The following RIMS2 variants were observed in gnomAD, a reference collection of about 807,000 sequenced individuals.
RIMS2 encodes regulating synaptic membrane exocytosis 2.
RIMS2 carries 59 observed loss-of-function variants against 174.4 expected under a neutral mutation model. The observed-to-expected ratio is 0.34, with a 90% CI of 0.27 to 0.42. The LOEUF is 0.42. Among genes scored for constraint, RIMS2 ranks in the 10% least tolerant of loss-of-function variants. The pLI is 1.00. For missense variants in RIMS2, 1,620 were observed against 1,666.3 expected, an observed-to-expected ratio of 0.97 and a Z score of 0.48; for synonymous variants, 606 against 572.5, an observed-to-expected ratio of 1.06 and a Z score of -0.84.
At chr8:103,796,810 G>T (rs2098552954) in intron 3 of RIMS2, among the ~76,000 whole-genome samples, 2 of 152,196 alleles carry the variant, frequency 1.3e-5, no homozygotes. Flanking sequence ...TTGGATAAGA[G>T]TGTAGCTTTA....
chr8:104,106,098 T>C (rs920016093), intron 19 of RIMS2, among the ~76,000 whole-genome samples: 7 of 81,716 alleles, frequency 8.6e-5, no homozygotes, highest in African/African-American at 3.0e-4. Context: ...TGAAAAGAAA[T>C]GAAAAAATTT....
chr8:103,910,291 C>CTTT (rs75164936), intron 5 of RIMS2, 30 bp from the exon 8 acceptor site: 1,127 of 1,283,374 alleles, frequency 8.8e-4, no homozygotes, highest in South Asian at 1.7e-3. Flanking sequence ...TTTTTTGTAT[C>CTTT]TTTTTTTTTT....
At chr8:103,871,266 C>T (rs1330567435) in intron 3 of RIMS2, among the ~76,000 whole-genome samples, 12 of 152,116 alleles carry the variant, frequency 7.9e-5, no homozygotes, top group African/African-American at 9.6e-5. Context: ...CGGTGGAGAG[C>T]GCCTGTAATC....
At chr8:104,033,668 G>T (rs1371549171) in intron 19 of RIMS2, among the ~76,000 whole-genome samples, 1 of 150,876 alleles carries the variant, frequency 6.6e-6, no homozygotes, top group Non-Finnish European at 1.5e-5. Context: ...AGGAAAATTG[G>T]TCCTGGAAAT....
rs556571183 is a variant in RIMS2 at position 103,633,188 on chromosome 8, G to A, written c.177-63898G>A. ...ACTACAGGCATGTGCCACCACGCCC[G>A]GCTATTTTTTTTTTTTTTTTGTATT... On this transcript the variant is annotated intron_variant, in intron 1 of 23. Transcript: ENST00000504942. Among the ~76,000 whole-genome samples, 242 of 102,274 alleles carry A rather than the reference G, an allele frequency of 2.4e-3. 1 individual carries two copies. Among genetic ancestry groups the A allele is most frequent in the Non-Finnish European group, 3.9e-3 (198 of 50,462 alleles). The allele number at this position is 102,274 out of a possible 152,430, so 67.1% of individuals were successfully genotyped here.
intron 2 of RIMS2, among the ~76,000 whole-genome samples, chr8:103,763,285 A>G (rs2098131838): frequency 1.3e-5 from 2 of 152,040 alleles, no homozygotes; most frequent in Admixed American, 1.3e-4. Context: ...AAAAATACAA[A>G]AATTAGCTGG....
intron 4 of RIMS2, chr8:103,910,017 TACAG>T (rs2075342211): frequency 3.3e-6 from 2 of 601,148 alleles, no homozygotes; most frequent in East Asian, 2.7e-5. Flanking sequence ...TAGTGAGTGC[TACAG>T]ACAAAGTTCT....
intron 19 of RIMS2, among the ~76,000 whole-genome samples, chr8:104,017,765 G>C (rs374265987): frequency 6.6e-6 from 1 of 152,132 alleles, no homozygotes; most frequent in Admixed American, 6.5e-5. Flanking sequence ...TGTCAGAAAC[G>C]TATCAAAAAT....
intron 15 of RIMS2, among the ~76,000 whole-genome samples, chr8:103,973,117 T>G (rs1339812878): frequency 6.6e-6 from 1 of 152,216 alleles, no homozygotes; most frequent in Admixed American, 6.5e-5. Flanking sequence ...ATATGAATTG[T>G]ATACTGCTAT....
At chr8:104,032,688 AATG>A (rs1221833122) in intron 19 of RIMS2, among the ~76,000 whole-genome samples, 2 of 152,098 alleles carry the variant, frequency 1.3e-5, no homozygotes, top group Non-Finnish European at 2.9e-5. Flanking sequence ...GAGTTTTACT[AATG>A]ATATTATAAT....
At chr8:104,252,935 A>G (rs1215054695), downstream of RIMS2, 3 of 152,092 alleles carry the variant, frequency 2.0e-5, no homozygotes, top group East Asian at 5.8e-4. Flanking sequence ...CCTCTCTCAT[A>G]CCCCATGTTT....
intron 1 of RIMS2, among the ~76,000 whole-genome samples, chr8:103,614,096 C>T (rs1243769552): frequency 6.6e-6 from 1 of 152,222 alleles, no homozygotes; most frequent in Admixed American, 6.5e-5. Flanking sequence ...CCCATCCCAG[C>T]ACTAGAAGTT....
chr8:103,918,753 C>T lies in RIMS2; in HGVS notation c.2083+266C>T, dbSNP rs1463307539. The T allele has an allele frequency of 1.8e-5, 6 of 328,146 alleles. No homozygotes were observed. The East Asian group carries it at 2.5e-4, about 14-fold the overall frequency. The allele number at this position is 328,146 out of a possible 1,614,324, so 20.3% of individuals were successfully genotyped here. A position where few individuals can be genotyped will look rare whatever the true frequency, so the allele number is the denominator to read the frequency against. On this transcript the variant is annotated intron_variant, in intron 9 of 23. Coordinates refer to ENST00000504942, the Ensembl canonical transcript of RIMS2. ...GGTATACTACAATAAACTGCATATACTTAAAGTACACAATTAGGTAAGTTT... is the reference window on the plus strand; with the variant it reads ...GGTATACTACAATAAACTGCATATATTTAAAGTACACAATTAGGTAAGTTT...
At chr8:103,795,447 G>A (rs1308002828) in intron 3 of RIMS2, among the ~76,000 whole-genome samples, 1 of 150,610 alleles carries the variant, frequency 6.6e-6, no homozygotes, top group South Asian at 2.1e-4. Flanking sequence ...GTGGGGGGAG[G>A]CGGGAGGGAT....
intron 1 of RIMS2, chr8:103,568,461 G>C (rs1215279600): frequency 2.7e-5 from 6 of 223,544 alleles, no homozygotes; most frequent in Non-Finnish European, 5.4e-5. Context: ...TGTAACTGTT[G>C]GTAAGGCTTA....
chr8:103,967,700 A>G (rs948604095), intron 15 of RIMS2, among the ~76,000 whole-genome samples: 1 of 151,918 alleles, frequency 6.6e-6, no homozygotes, highest in African/African-American at 2.4e-5. Context: ...ACATATTTTG[A>G]TACTCTCTTG....
intron 14 of RIMS2, among the ~76,000 whole-genome samples, chr8:103,944,107 T>C (rs1168865150): frequency 6.6e-6 from 1 of 152,088 alleles, no homozygotes; most frequent in Non-Finnish European, 1.5e-5. Flanking sequence ...AAATAACCTC[T>C]CTAATTACTG....
At chr8:103,542,850 T>C (rs1843149175) in intron 1 of RIMS2, among the ~76,000 whole-genome samples, 1 of 152,126 alleles carries the variant, frequency 6.6e-6, no homozygotes, top group South Asian at 2.1e-4. Flanking sequence ...TTCTAAAAAG[T>C]TAGGTAGAGA....
chr8:103,785,034 G>T lies in RIMS2; in HGVS notation c.698+18497G>T, dbSNP rs1250457710. On this transcript the variant is annotated intron_variant, in intron 3 of 23. Transcript: ENST00000504942. ...GTATTTTATTCTCTTTGAAGCAATT[G>T]TGAATGGGAGTTCACTCATGATTTG... is the stretch of plus-strand genomic sequence containing the variant. 5.0e-5 allele frequency among the ~76,000 whole-genome samples: 7 copies of T among 141,224 alleles called. 1 individual carries two copies. The highest frequency in any genetic ancestry group is 4.6e-5 in the Non-Finnish European group (3 of 64,808). The allele number at this position is 141,224 out of a possible 152,430, so 92.6% of individuals were successfully genotyped here. A position where few individuals can be genotyped will look rare whatever the true frequency, so the allele number is the denominator to read the frequency against.
Sources: gnomAD v4.1 joint callset for allele counts (sites outside exome capture counted in the v4.1 genomes callset) on GRCh38, gnomAD v4.1.1 for gene constraint, MANE v1.5 for transcripts, NCBI Gene and HGNC (gene_info 2026-07-23, HGNC 2026-07-21) for gene names.